The following GRM1 variants were observed in gnomAD, a reference collection of about 807,000 sequenced individuals.
GRM1 encodes the protein glutamate metabotropic receptor 1.
Under a neutral mutation model 90.9 loss-of-function variants are expected in GRM1, and 33 were observed. The observed-to-expected ratio is 0.36, with a 90% confidence interval of 0.28 to 0.49. The LOEUF is 0.49. Among genes scored for constraint, GRM1 ranks in the 20% least tolerant of loss-of-function variants. The pLI is 0.99. For missense variants in GRM1, 1,190 were observed against 1,534.3 expected (o/e 0.78, Z 3.75); for synonymous variants, 700 against 613.2 (o/e 1.14, Z -2.09).
In GRM1 at chr6:146,290,413, TCA is replaced by T. The variant is rs566176690; in HGVS notation, c.951-14195_951-14194del. 2.0e-5 allele frequency among the ~76,000 whole-genome samples: 3 copies of T among 152,238 alleles called. No individual in the cohort carries two copies. The South Asian group carries it at 6.2e-4, about 32-fold the overall frequency. On this transcript the variant is annotated intron_variant, in intron 2 of 7. Transcript: ENST00000282753. ...ATGAAATGAAGCATAACTGTCAGACTCACAAAATTATACAGGCAGGAAATAGA... is the reference window on the plus strand; with the variant it reads ...ATGAAATGAAGCATAACTGTCAGACTCAAAATTATACAGGCAGGAAATAGA...
chr6:146,196,544 A>G (rs1197721011), intron 2 of GRM1, among the ~76,000 whole-genome samples: 4 of 141,604 alleles, frequency 2.8e-5, no homozygotes, highest in Non-Finnish European at 4.5e-5. Flanking sequence ...TGACCTCATG[A>G]TCCGCCCACC....
intron 5 of GRM1, among the ~76,000 whole-genome samples, chr6:146,362,627 C>T (rs1019782820): frequency 1.1e-4 from 14 of 130,186 alleles, no homozygotes; most frequent in African/African-American, 1.5e-4. Context: ...TGCAGTGAGC[C>T]GAGATAGCGC....
intron 1 of GRM1, among the ~76,000 whole-genome samples, chr6:146,138,460 G>A (rs1050419395): frequency 6.6e-6 from 1 of 152,110 alleles, no homozygotes; most frequent in Admixed American, 6.5e-5. Context: ...ATGGGTATTA[G>A]TTATTTAAAT....
At chr6:146,260,090 C>T (rs759830229) in intron 2 of GRM1, among the ~76,000 whole-genome samples, 2 of 151,604 alleles carry the variant, frequency 1.3e-5, no homozygotes. Context: ...TACATGTGCC[C>T]TGATGGTTTG....
intron 5 of GRM1, among the ~76,000 whole-genome samples, chr6:146,373,558 T>C (rs1451586241): frequency 6.6e-6 from 1 of 152,072 alleles, no homozygotes; most frequent in Non-Finnish European, 1.5e-5. Flanking sequence ...ACACTGGGGA[T>C]TACAATTTGA....
intron 2 of GRM1, among the ~76,000 whole-genome samples, chr6:146,236,293 A>G (rs941196208): frequency 1.3e-5 from 2 of 152,190 alleles, no homozygotes; most frequent in African/African-American, 4.8e-5. Context: ...GTTTGTGACT[A>G]TAATATTGGA....
intron 2 of GRM1, among the ~76,000 whole-genome samples, chr6:146,243,294 C>A (rs894142606): frequency 9.9e-5 from 15 of 151,958 alleles, no homozygotes; most frequent in Admixed American, 2.0e-4. Context: ...TAGTCAGGAC[C>A]TCAAGAAAGT....
At chr6:146,034,309 T>C (rs1156896971) in intron 1 of GRM1, among the ~76,000 whole-genome samples, 1 of 152,006 alleles carries the variant, frequency 6.6e-6, no homozygotes, top group Non-Finnish European at 1.5e-5. Flanking sequence ...CAATGAATAA[T>C]CTCTCTTTTG....
intron 5 of GRM1, among the ~76,000 whole-genome samples, chr6:146,363,147 A>G (rs867633921): frequency 3.9e-5 from 6 of 152,306 alleles, no homozygotes; most frequent in Middle Eastern, 3.4e-3. Context: ...TCTTTAAAAA[A>G]ATTAAATTGC....
At chr6:146,104,655 C>G (rs1321524938) in intron 1 of GRM1, among the ~76,000 whole-genome samples, 1 of 152,144 alleles carries the variant, frequency 6.6e-6, no homozygotes, top group Non-Finnish European at 1.5e-5. Flanking sequence ...AAGGTCAACA[C>G]TGTTACATGC....
intron 2 of GRM1, among the ~76,000 whole-genome samples, chr6:146,274,794 A>G (rs1305933854): frequency 6.6e-6 from 1 of 152,214 alleles, no homozygotes; most frequent in African/African-American, 2.4e-5. Context: ...TAATAGTCAC[A>G]TGACACAAAA....
chr6:146,260,133 A>G (rs1303537831), intron 2 of GRM1, among the ~76,000 whole-genome samples: 2 of 151,936 alleles, frequency 1.3e-5, no homozygotes, highest in Non-Finnish European at 2.9e-5. Context: ...TGCATTAGAT[A>G]TTACTCCTAA....
intron 2 of GRM1, among the ~76,000 whole-genome samples, chr6:146,207,166 G>GTATATAAA (rs1194981051): frequency 6.6e-6 from 1 of 152,090 alleles, no homozygotes; most frequent in African/African-American, 2.4e-5. Context: ...ATTCCTGTGG[G>GTATATAAA]TATATACCCA....
intron 1 of GRM1, among the ~76,000 whole-genome samples, chr6:146,123,215 T>G (rs1303168063): frequency 6.6e-6 from 1 of 152,206 alleles, no homozygotes; most frequent in Non-Finnish European, 1.5e-5. Context: ...GTTTTCACAT[T>G]GTTAGATTTT....
intron 1 of GRM1, among the ~76,000 whole-genome samples, chr6:146,037,967 A>C (rs190774561): frequency 6.6e-6 from 1 of 152,014 alleles, no homozygotes; most frequent in Non-Finnish European, 1.5e-5. Context: ...GCATCTGAGC[A>C]ACTCTACCTC....
chr6:146,231,390 G>C lies in GRM1; in HGVS notation c.950+71793G>C, dbSNP rs1054722769. Reference sequence around the variant, plus strand: ...AAATGTCTTTCCACAGCAATGCCAAGTCAAATTCCACTGACCGGAATTTGC... The same window carrying C: ...AAATGTCTTTCCACAGCAATGCCAACTCAAATTCCACTGACCGGAATTTGC... On this transcript the variant is annotated intron_variant, in intron 2 of 7. Transcript: ENST00000282753. Among the ~76,000 whole-genome samples, 5 of 152,214 alleles carry C rather than the reference G, an allele frequency of 3.3e-5. 1 individual carries two copies. The highest frequency in any genetic ancestry group is 3.3e-4 in the Admixed American group (5 of 15,256).
intron 1 of GRM1, among the ~76,000 whole-genome samples, chr6:146,084,584 GC>G (rs1292017185): frequency 6.6e-6 from 1 of 152,102 alleles, no homozygotes; most frequent in Non-Finnish European, 1.5e-5. Context: ...TAATTTGATT[GC>G]CCTGTGGTCT....
At chr6:146,366,742 A>C (rs777065875) in intron 5 of GRM1, among the ~76,000 whole-genome samples, 1 of 152,020 alleles carries the variant, frequency 6.6e-6, no homozygotes, top group Non-Finnish European at 1.5e-5. Context: ...TTTTAAAATC[A>C]GGTTATTTGT....
chr6:146,148,207 A>G (rs1777183291), intron 1 of GRM1, among the ~76,000 whole-genome samples: 2 of 152,168 alleles, frequency 1.3e-5, no homozygotes, highest in Admixed American at 1.3e-4. Flanking sequence ...TTTCATCCCT[A>G]TGTATTTTTA....
Sources: gnomAD v4.1 joint callset for allele counts (sites outside exome capture counted in the v4.1 genomes callset) on GRCh38, gnomAD v4.1.1 for gene constraint, MANE v1.5 for transcripts, NCBI Gene and HGNC (gene_info 2026-07-23, HGNC 2026-07-21) for gene names.